The following GMDS variants were observed in gnomAD, a reference collection of about 807,000 sequenced individuals.
GMDS encodes the protein GDP-mannose 4,6-dehydratase.
GMDS carries 20 observed loss-of-function variants against 49.9 expected under a neutral mutation model. That is an observed-to-expected ratio of 0.40 (90% CI 0.28 to 0.58). The LOEUF (loss-of-function observed/expected upper bound fraction) is 0.58. Among genes scored for constraint, GMDS ranks in the 20% least tolerant of loss-of-function variants. The pLI is 0.42. For missense variants in GMDS, 362 were observed against 481.4 expected (o/e 0.75, Z 2.32); for synonymous variants, 177 against 178.6 (o/e 0.99, Z 0.07).
At chr6:2,012,795 A>C (rs896544533) in intron 4 of GMDS, among the ~76,000 whole-genome samples, 1 of 152,134 alleles carries the variant, frequency 6.6e-6, no homozygotes, top group African/African-American at 2.4e-5. Flanking sequence ...GCCCCAACTT[A>C]GAGGAGTCCC....
In GMDS at chr6:2,111,906, G is replaced by C. The variant is rs530359341; in HGVS notation, c.345+3865C>G. On this transcript the variant is annotated intron_variant, in intron 4 of 10. Transcript: ENST00000380815. The stretch of plus-strand genomic sequence containing the variant: ...TAATTCCTTCCCTAACAAGCTACTA[G>C]AAAACAAACAAACAATTGCAACCCA... Among the ~76,000 whole-genome samples, 4 of 152,192 alleles carry C rather than the reference G, an allele frequency of 2.6e-5. No homozygotes were observed. The East Asian group carries it at 7.7e-4, about 29-fold the overall frequency.
Position 2,175,764 on chromosome 6 carries a change from A to G in GMDS, c.103-51033T>C, listed in dbSNP as rs149671078. On this transcript the variant is annotated intron_variant, in intron 1 of 10. Transcript: ENST00000380815. ...ATATCCAATAACAATTTCTATTAAC[A>G]ATAAGAGTAATTATTATTTTTATAG... 2.6e-5 allele frequency among the ~76,000 whole-genome samples: 4 copies of G among 152,334 alleles called. No homozygotes were observed. In the East Asian group the frequency reaches 7.7e-4, roughly 29 times the overall value.
chr6:1,730,656 C>T (rs989326347), intron 8 of GMDS, among the ~76,000 whole-genome samples: 10 of 152,144 alleles, frequency 6.6e-5, no homozygotes, highest in African/African-American at 2.4e-4. Flanking sequence ...CCACACAGCT[C>T]TCTGTGGGCT....
At chr6:1,684,584 G>A (rs536558694) in intron 9 of GMDS, among the ~76,000 whole-genome samples, 1 of 152,292 alleles carries the variant, frequency 6.6e-6, no homozygotes, top group African/African-American at 2.4e-5. Context: ...AGGAAGGCCA[G>A]CACAAAAGAC....
intron 8 of GMDS, among the ~76,000 whole-genome samples, chr6:1,728,285 T>A (rs1010960806): frequency 6.6e-6 from 1 of 152,248 alleles, no homozygotes; most frequent in East Asian, 1.9e-4. Flanking sequence ...TAGAACCTTT[T>A]AAAAAAATTT....
intron 1 of GMDS, among the ~76,000 whole-genome samples, chr6:2,216,270 A>G (rs1442182749): frequency 1.3e-5 from 2 of 152,266 alleles, no homozygotes; most frequent in African/African-American, 2.4e-5. Context: ...CACAGCATTT[A>G]AAGTTCAGAA....
At chr6:1,769,967 C>T (rs1169312530) in intron 7 of GMDS, among the ~76,000 whole-genome samples, 1 of 152,188 alleles carries the variant, frequency 6.6e-6, no homozygotes, top group Non-Finnish European at 1.5e-5. Flanking sequence ...CTCTAAGTGA[C>T]CACCCGCCTC....
At chr6:2,144,197 G>A (rs1256406498) in intron 1 of GMDS, among the ~76,000 whole-genome samples, 1 of 152,216 alleles carries the variant, frequency 6.6e-6, no homozygotes, top group East Asian at 1.9e-4. Context: ...TCACCAGCTA[G>A]AAAGAGGGCA....
chr6:1,859,029 G>T (rs1433973381), intron 7 of GMDS, among the ~76,000 whole-genome samples: 1 of 152,164 alleles, frequency 6.6e-6, no homozygotes, highest in Non-Finnish European at 1.5e-5. Flanking sequence ...CAGGTCTGAG[G>T]TGACGCAGTC....
intron 6 of GMDS, among the ~76,000 whole-genome samples, chr6:1,950,763 T>C (rs911816575): frequency 1.3e-5 from 2 of 152,166 alleles, no homozygotes; most frequent in South Asian, 4.1e-4. Flanking sequence ...CAGGTGGCAT[T>C]CACACAGATT....
chr6:1,933,940 G>A (rs114424552), intron 6 of GMDS, among the ~76,000 whole-genome samples: 69 of 152,216 alleles, frequency 4.5e-4, no homozygotes, highest in African/African-American at 1.6e-3. Context: ...TGTCATATTC[G>A]AGAAGGCTTC....
chr6:1,921,475 G>A (rs1422476832), intron 7 of GMDS, among the ~76,000 whole-genome samples: 1 of 152,076 alleles, frequency 6.6e-6, no homozygotes, highest in African/African-American at 2.4e-5. Context: ...ACAGGCAATT[G>A]ATTTTCTACA....
intron 9 of GMDS, among the ~76,000 whole-genome samples, chr6:1,716,684 T>A (rs1220921740): frequency 6.6e-6 from 1 of 152,074 alleles, no homozygotes; most frequent in Non-Finnish European, 1.5e-5. Flanking sequence ...ACCCACCCAC[T>A]CCACCTGACA....
chr6:2,134,305 G>T lies in GMDS; in HGVS notation c.103-9574C>A, dbSNP rs115820148. Reference sequence around the variant, plus strand: ...TTTGCTTTCTTTTGCCAACAGCAGCGGGGGCTTAGCTCTTATTCAACCATA... The same window carrying T: ...TTTGCTTTCTTTTGCCAACAGCAGCTGGGGCTTAGCTCTTATTCAACCATA... On this transcript the variant is annotated intron_variant, in intron 1 of 10. Transcript: ENST00000380815. 5.7e-3 allele frequency among the ~76,000 whole-genome samples: 866 copies of T among 152,288 alleles called. 2 individuals are homozygous for T. Among genetic ancestry groups the T allele is most frequent in the Middle Eastern group, 0.017 (5 of 294 alleles).
intron 9 of GMDS, among the ~76,000 whole-genome samples, chr6:1,713,941 T>C (rs1047876197): frequency 2.0e-5 from 3 of 152,232 alleles, no homozygotes; most frequent in Non-Finnish European, 4.4e-5. Flanking sequence ...TGCATTTGAC[T>C]GAATTTTCCA....
chr6:1,898,876 C>T (rs950941757), intron 7 of GMDS, among the ~76,000 whole-genome samples: 1 of 152,144 alleles, frequency 6.6e-6, no homozygotes, highest in Non-Finnish European at 1.5e-5. Flanking sequence ...ACAGGACTGA[C>T]GGGGCTCCTG....
chr6:2,057,469 A>G (rs1186281378), intron 4 of GMDS, among the ~76,000 whole-genome samples: 1 of 152,220 alleles, frequency 6.6e-6, no homozygotes, highest in Non-Finnish European at 1.5e-5. Flanking sequence ...GTACATCTCT[A>G]GGTGAAAACC....
intron 7 of GMDS, among the ~76,000 whole-genome samples, chr6:1,895,982 C>T (rs1319703609): frequency 6.6e-6 from 1 of 152,124 alleles, no homozygotes; most frequent in African/African-American, 2.4e-5. Flanking sequence ...CTGAGTGATT[C>T]ATCGTTCCTG....
chr6:1,878,176 G>A (rs531961446), intron 7 of GMDS, among the ~76,000 whole-genome samples: 31 of 152,066 alleles, frequency 2.0e-4, no homozygotes, highest in African/African-American at 6.8e-4. Context: ...TTAGCCAGGC[G>A]TGGTGGCGGG....
Sources: allele counts gnomAD v4.1 joint callset (sites outside exome capture counted in the v4.1 genomes callset), GRCh38; gene constraint gnomAD v4.1.1; transcripts MANE v1.5; gene names NCBI Gene and HGNC (gene_info 2026-07-23, HGNC 2026-07-21).